The following IAH1 variants were observed in gnomAD, a reference collection of about 807,000 sequenced individuals.
The protein encoded by IAH1 is isoamyl acetate-hydrolyzing esterase 1 homolog.
IAH1 carries 24 observed loss-of-function variants against 26.7 expected under a neutral mutation model. That is an observed-to-expected ratio of 0.90 (90% CI 0.65 to 1.26). The LOEUF (loss-of-function observed/expected upper bound fraction) is 1.26, where lower values mean the gene tolerates loss of function less well. Ranked by LOEUF, IAH1 falls within the 50% of genes most tolerant of loss-of-function variation. The pLI is 0.00. For missense variants in IAH1, 300 were observed against 299.9 expected (o/e 1.00, Z 0.00); for synonymous variants, 140 against 118.5 (o/e 1.18, Z -1.18).
chr2:9,494,732 G>C (rs988994141), downstream of IAH1: 12 of 1,613,962 alleles, frequency 7.4e-6, no homozygotes, highest in Non-Finnish European at 1.0e-5. Flanking sequence ...CGGCCAGAAA[G>C]GTCCCTGCAG....
At chr2:9,477,664 C>CTTT (rs58198427) in intron 2 of IAH1, among the ~76,000 whole-genome samples, 60 of 140,318 alleles carry the variant, frequency 4.3e-4, no homozygotes, top group African/African-American at 1.3e-3. Flanking sequence ...GGCAACCCGG[C>CTTT]TTTTTTTTTT....
At chr2:9,496,769 G>A (rs1296210710), downstream of IAH1, among the ~76,000 whole-genome samples, 1 of 152,180 alleles carries the variant, frequency 6.6e-6, no homozygotes, top group Non-Finnish European at 1.5e-5. Flanking sequence ...AGCTACTGCT[G>A]CTTTTGTGGT....
chr2:9,490,293 T>C (rs1218988522), downstream of IAH1: 1 of 1,614,062 alleles, frequency 6.2e-7, no homozygotes, highest in Non-Finnish European at 8.5e-7. Context: ...TTGGCAGCTG[T>C]GCTGCTATTT....
downstream of IAH1, among the ~76,000 whole-genome samples, chr2:9,493,299 G>A (rs1175740487): frequency 6.6e-6 from 1 of 152,180 alleles, no homozygotes; most frequent in Admixed American, 6.5e-5. Context: ...CAAAGTTTTT[G>A]TTACCTGGAT....
chr2:9,474,544 G>GCCCCCC, upstream of IAH1: 138 of 969,322 alleles, frequency 1.4e-4, no homozygotes, highest in Non-Finnish European at 1.9e-4. The surrounding 1 kb of genome is among the most constrained non-coding windows in gnomAD (Gnocchi z 4.3). Context: ...TGGCGGCCCC[G>GCCCCCC]CCCCGCCCCG....
At chr2:9,473,897 G>A (rs1163940061), upstream of IAH1, 1 of 152,334 alleles carries the variant, frequency 6.6e-6, no homozygotes, top group Middle Eastern at 3.4e-3. Flanking sequence ...TTGCACAGTT[G>A]AGGTAAGAAC....
downstream of IAH1, among the ~76,000 whole-genome samples, chr2:9,493,228 C>T (rs1445449645): frequency 1.3e-5 from 2 of 152,122 alleles, no homozygotes; most frequent in East Asian, 1.9e-4. Context: ...AACATGTTAC[C>T]TGGAGTAGCT....
At chr2:9,479,087 G>A (rs945947993) in intron 3 of IAH1, among the ~76,000 whole-genome samples, 1 of 152,122 alleles carries the variant, frequency 6.6e-6, no homozygotes, top group African/African-American at 2.4e-5. Flanking sequence ...AACACCAACT[G>A]CAGTAAGAGG....
At chr2:9,501,842 A>G in the IAH1 span, among the ~76,000 whole-genome samples, 1 of 152,152 alleles carries the variant, frequency 6.6e-6, no homozygotes, top group Non-Finnish European at 1.5e-5. Flanking sequence ...TTTAAGGTAG[A>G]ATATCATTTT....
the IAH1 span, among the ~76,000 whole-genome samples, chr2:9,502,791 A>T: frequency 2.0e-5 from 3 of 150,120 alleles, no homozygotes; most frequent in Non-Finnish European, 3.0e-5. Context: ...AGGCAGGAGA[A>T]TCGCCTGGAC....
In IAH1 at chr2:9,488,323, C is replaced by A. The variant is rs373032596; in HGVS notation, c.741C>A (p.Asp247Glu). Residue 247 changes from aspartate (D) to glutamate (E), a missense_variant, in exon 6 of 6, where the codon GAC becomes GAA. Physicochemically the swap from Asp to Glu is conservative, Grantham distance 45. Coordinates refer to ENST00000497473, the MANE Select transcript of IAH1 (RefSeq NM_001039613.3). ...AATTAAGTCTGCTGGGAGATGGAGA[C>A]CATTAGCCAATCACAGGAGACCCAA... ...KPELSLLGDG[D>E]H 4 of 1,598,848 alleles carry A rather than the reference C, an allele frequency of 2.5e-6. No individual in the cohort carries two copies. Among genetic ancestry groups the A allele is most frequent in the Non-Finnish European group, 3.4e-6 (4 of 1,175,040 alleles).
At chr2:9,502,125 A>C in the IAH1 span, 2 of 1,493,464 alleles carry the variant, frequency 1.3e-6, no homozygotes, top group Non-Finnish European at 1.9e-6. Context: ...TCAAAGACAC[A>C]CACACACTTG....
At chr2:9,494,576 A>G (rs1490162343), downstream of IAH1, 1 of 1,588,320 alleles carries the variant, frequency 6.3e-7, no homozygotes, top group Non-Finnish European at 8.6e-7. Context: ...AAAATCAAGT[A>G]CTTACAAAAT....
the IAH1 span, among the ~76,000 whole-genome samples, chr2:9,503,137 CAA>C: frequency 2.0e-4 from 15 of 74,190 alleles, no homozygotes; most frequent in Non-Finnish European, 1.9e-4. Flanking sequence ...GAGACTCTCT[CAA>C]AAAAAAAAAA....
At chr2:9,502,345 G>T in the IAH1 span, 2 of 1,378,398 alleles carry the variant, frequency 1.5e-6, no homozygotes, top group Non-Finnish European at 2.0e-6. Context: ...AAACGCTACA[G>T]TTACGTTACA....
chr2:9,476,527 G>T (rs1419127952), intron 2 of IAH1, among the ~76,000 whole-genome samples: 1 of 152,268 alleles, frequency 6.6e-6, no homozygotes, highest in Non-Finnish European at 1.5e-5. Flanking sequence ...CAGGCTTTGT[G>T]TGAGCAACAA....
the IAH1 span, among the ~76,000 whole-genome samples, chr2:9,509,263 T>A: frequency 6.6e-6 from 1 of 152,260 alleles, no homozygotes; most frequent in Non-Finnish European, 1.5e-5. Context: ...CACTGCTTTA[T>A]GCTGTTTAAC....
At chr2:9,492,396 T>C (rs1037432346), downstream of IAH1, among the ~76,000 whole-genome samples, 1 of 152,248 alleles carries the variant, frequency 6.6e-6, no homozygotes, top group Non-Finnish European at 1.5e-5. Context: ...AAAAGACTGC[T>C]TACTCTTATT....
upstream of IAH1, chr2:9,474,533 C>T (rs1188547737): frequency 1.6e-6 from 2 of 1,278,662 alleles, no homozygotes; most frequent in East Asian, 3.1e-5. The surrounding 1 kb of genome is among the most constrained non-coding windows in gnomAD (Gnocchi z 4.3). Context: ...CCTCTCGTGG[C>T]TGGCGGCCCC....
Sources: gnomAD v4.1 joint callset for allele counts (sites outside exome capture counted in the v4.1 genomes callset) on GRCh38, gnomAD v4.1.1 for gene constraint, Gnocchi (gnomAD v3.1) non-coding constraint, MANE v1.5 for transcripts, NCBI Gene and HGNC (gene_info 2026-07-23, HGNC 2026-07-21) for gene names.